Variants in LPP observed in about 807,000 individuals in gnomAD.
LPP encodes the protein lipoma-preferred partner.
In LPP, 38 loss-of-function variants were observed where a neutral mutation model predicts 60.4. The observed-to-expected ratio is 0.63, with a 90% CI of 0.49 to 0.83. LPP has a LOEUF of 0.83. Ranked by LOEUF, LPP falls within the 40% of genes least tolerant of loss-of-function variation. The pLI, the probability that LPP is intolerant of heterozygous loss-of-function variation, is 0.00. For missense variants in LPP, 902 were observed against 783.6 expected (o/e 1.15, Z -1.80); for synonymous variants, 328 against 290.8 (o/e 1.13, Z -1.30).
chr3:188,503,633 C>T (rs1812576066), intron 5 of LPP, among the ~76,000 whole-genome samples: 2 of 145,794 alleles, frequency 1.4e-5, no homozygotes, highest in South Asian at 2.3e-4. Flanking sequence ...AAAGAACTCT[C>T]TCACCTCTTT....
At chr3:188,859,112 A>C (rs1764560760) in intron 9 of LPP, among the ~76,000 whole-genome samples, 1 of 145,122 alleles carries the variant, frequency 6.9e-6, no homozygotes, top group Non-Finnish European at 1.5e-5. Context: ...AAAAAAAAAA[A>C]AAGGATGTTC....
intron 9 of LPP, among the ~76,000 whole-genome samples, chr3:188,762,011 G>GTT (rs79536923): frequency 2.0e-5 from 3 of 152,042 alleles, no homozygotes; most frequent in Non-Finnish European, 2.9e-5. Context: ...ATACTGCTGT[G>GTT]TTTTTTTATA....
chr3:188,697,044 A>G (rs1863401734), intron 7 of LPP, among the ~76,000 whole-genome samples: 1 of 152,024 alleles, frequency 6.6e-6, no homozygotes, highest in African/African-American at 2.4e-5. Context: ...CTTTGATTTG[A>G]TTTTCACTGG....
At chr3:188,291,645 C>CAAAAA (rs34001206) in intron 2 of LPP, among the ~76,000 whole-genome samples, 13 of 96,672 alleles carry the variant, frequency 1.3e-4, no homozygotes, top group Non-Finnish European at 1.8e-4. Context: ...GACTCTGTCT[C>CAAAAA]AAAAAAAAAA....
At position 188,524,770 on chromosome 3, in the gene LPP, A is replaced by G. The variant is rs1472148098; in HGVS notation, c.412A>G (p.Lys138Glu). 2 of 1,613,686 alleles carry G rather than the reference A, an allele frequency of 1.2e-6. No individual in the cohort carries two copies. Among genetic ancestry groups the G allele is most frequent in the Admixed American group, 1.7e-5 (1 of 59,982 alleles). Residue 138 changes from lysine (K) to glutamate (E), a missense_variant, in exon 6 of 12, where the codon AAG becomes GAG. Lys to Glu is a moderately conservative substitution (Grantham distance 56). Transcript: ENST00000617246. ...LADLECSSPY[K>E]PRPPQSSTGS... Reference sequence around the variant, plus strand: ...TGACCTTGAGTGCAGCTCCCCCTATAAGCCTCGGCCTCCACAGGTTAGTGC... The same window carrying G: ...TGACCTTGAGTGCAGCTCCCCCTATGAGCCTCGGCCTCCACAGGTTAGTGC...
chr3:188,591,344 T>C (rs1838660797), intron 6 of LPP, among the ~76,000 whole-genome samples: 1 of 152,226 alleles, frequency 6.6e-6, no homozygotes, highest in Admixed American at 6.5e-5. Flanking sequence ...TTATTGCATT[T>C]ATCTGCCTTT....
intron 1 of LPP, among the ~76,000 whole-genome samples, chr3:188,225,128 G>GTATC (rs1178997796): frequency 6.6e-6 from 1 of 152,050 alleles, no homozygotes; most frequent in Non-Finnish European, 1.5e-5. Context: ...TACAATTTGA[G>GTATC]TATCTAACTG....
chr3:188,873,856 C>T (rs1314433687), intron 11 of LPP, among the ~76,000 whole-genome samples: 1 of 152,158 alleles, frequency 6.6e-6, no homozygotes, highest in African/African-American at 2.4e-5. Context: ...ACACCGAACC[C>T]ACTGGTGGCC....
chr3:188,889,565 C>A lies in LPP; in HGVS notation c.*15086C>A, dbSNP rs1489490554. On this transcript the variant is annotated 3_prime_UTR_variant, in exon 12 of 12. Coordinates refer to ENST00000617246, the MANE Select transcript of LPP (RefSeq NM_001375462.1). ...CTTTATCCAAGGAAGCTCTTGGTGT[C>A]CTCTTGGTCATAAAGTTGTCTCCTA... is the stretch of plus-strand genomic sequence containing the variant. The A allele has an allele frequency of 1.3e-5, 3 of 228,494 alleles. No homozygotes were observed. The highest frequency in any genetic ancestry group is 2.2e-5 in the African/African-American group (1 of 45,056). The allele number at this position is 228,494 out of a possible 1,614,324, so 14.2% of individuals were successfully genotyped here.
chr3:188,766,388 A>AAG (rs970853226), intron 9 of LPP, among the ~76,000 whole-genome samples: 3 of 150,892 alleles, frequency 2.0e-5, no homozygotes, highest in Non-Finnish European at 4.4e-5. Flanking sequence ...CAAAAAAAAA[A>AAG]GGTTAAAAAT....
chr3:188,462,542 C>CTT (rs1491470397), intron 4 of LPP, among the ~76,000 whole-genome samples: 3 of 64,274 alleles, frequency 4.7e-5, no homozygotes, highest in Admixed American at 1.7e-4. Flanking sequence ...TTTATATGAG[C>CTT]TTTATATATA....
chr3:188,461,496 G>T (rs1798944204), intron 4 of LPP, among the ~76,000 whole-genome samples: 1 of 151,910 alleles, frequency 6.6e-6, no homozygotes, highest in African/African-American at 2.4e-5. Context: ...AATAATTTTT[G>T]CAAATTGTGC....
intron 2 of LPP, among the ~76,000 whole-genome samples, chr3:188,242,288 T>C (rs1725232214): frequency 6.6e-6 from 1 of 152,174 alleles, no homozygotes; most frequent in Non-Finnish European, 1.5e-5. Flanking sequence ...AGCCTGCTTT[T>C]TATCCTCTCC....
chr3:188,852,389 T>C (rs1465415187), intron 9 of LPP, among the ~76,000 whole-genome samples: 1 of 152,188 alleles, frequency 6.6e-6, no homozygotes, highest in Non-Finnish European at 1.5e-5. Flanking sequence ...ACTTCTTACA[T>C]GGTAACTGCT....
chr3:188,410,174 T>A (rs1472953284), intron 4 of LPP, among the ~76,000 whole-genome samples: 1 of 152,204 alleles, frequency 6.6e-6, no homozygotes. Context: ...AACTCAATAG[T>A]GTTTGCAGAA....
chr3:188,698,734 A>C (rs1462134108), intron 7 of LPP, among the ~76,000 whole-genome samples: 1 of 152,236 alleles, frequency 6.6e-6, no homozygotes, highest in African/African-American at 2.4e-5. Flanking sequence ...TAAATAGCCA[A>C]GCATGAGCTT....
intron 3 of LPP, among the ~76,000 whole-genome samples, chr3:188,385,130 G>A (rs374614744): frequency 2.2e-4 from 34 of 151,890 alleles, no homozygotes; most frequent in East Asian, 1.4e-3. Flanking sequence ...AATCTCCTCT[G>A]GTTTCTTTCT....
intron 10 of LPP, among the ~76,000 whole-genome samples, chr3:188,868,878 G>A (rs902806171): frequency 3.3e-5 from 5 of 152,202 alleles, no homozygotes; most frequent in African/African-American, 1.2e-4. Context: ...AGAGATACAA[G>A]GAGAGAAATT....
intron 3 of LPP, among the ~76,000 whole-genome samples, chr3:188,388,102 A>G (rs532812571): frequency 1.3e-5 from 2 of 152,116 alleles, no homozygotes; most frequent in African/African-American, 2.4e-5. Flanking sequence ...GAAGATGAGT[A>G]CTTTCCAATC....
Sources: allele counts gnomAD v4.1 joint callset (sites outside exome capture counted in the v4.1 genomes callset), GRCh38; gene constraint gnomAD v4.1.1; transcripts MANE v1.5; gene names NCBI Gene and HGNC (gene_info 2026-07-23, HGNC 2026-07-21).